The following GAS7 variants were observed in gnomAD, a reference collection of about 807,000 sequenced individuals.
GAS7 encodes growth arrest-specific protein 7.
GAS7 carries 28 observed loss-of-function variants against 71.1 expected under a neutral mutation model. That is an observed-to-expected ratio of 0.39 (90% CI 0.29 to 0.54). The LOEUF is 0.54. Ranked by LOEUF, GAS7 falls within the 20% of genes least tolerant of loss-of-function variation. The pLI is 0.62. For synonymous variants in GAS7, 258 were observed against 245.8 expected (o/e 1.05, Z -0.46); for missense variants, 436 against 627.8 (o/e 0.69, Z 3.27).
intron 1 of GAS7, among the ~76,000 whole-genome samples, chr17:10,132,888 C>T (rs2074007974): frequency 6.6e-6 from 1 of 152,024 alleles, no homozygotes; most frequent in South Asian, 2.1e-4. Context: ...AACTGACTCA[C>T]AGGCTTAGCA....
chr17:10,010,942 G>A (rs2071746171), intron 2 of GAS7, among the ~76,000 whole-genome samples: 1 of 152,202 alleles, frequency 6.6e-6, no homozygotes. Flanking sequence ...GCATGGCTGT[G>A]TTCCAATAAA....
intron 5 of GAS7, among the ~76,000 whole-genome samples, chr17:9,952,936 G>A (rs2069079463): frequency 6.6e-6 from 1 of 152,228 alleles, no homozygotes; most frequent in East Asian, 1.9e-4. Flanking sequence ...AAGCAATGTG[G>A]TGATTCCTCA....
chr17:10,006,515 G>A (rs1009621502), intron 2 of GAS7, among the ~76,000 whole-genome samples: 3 of 151,706 alleles, frequency 2.0e-5, no homozygotes, highest in Admixed American at 2.0e-4. Context: ...ATTTTTAGTA[G>A]AGATGGGGTT....
At chr17:10,081,456 G>A (rs1214434835) in intron 1 of GAS7, among the ~76,000 whole-genome samples, 2 of 152,132 alleles carry the variant, frequency 1.3e-5, no homozygotes, top group Non-Finnish European at 2.9e-5. Context: ...GCCCAGCCAA[G>A]AGTTCTTAAA....
At chr17:10,041,174 AAAG>A (rs1370335460) in intron 1 of GAS7, among the ~76,000 whole-genome samples, 2 of 151,044 alleles carry the variant, frequency 1.3e-5, no homozygotes, top group Non-Finnish European at 2.9e-5. Context: ...AAAAAAAAAA[AAAG>A]AAGAAGGTAA....
At chr17:10,119,792 C>G (rs150034789) in intron 1 of GAS7, among the ~76,000 whole-genome samples, 2 of 152,296 alleles carry the variant, frequency 1.3e-5, no homozygotes, top group East Asian at 3.9e-4. Flanking sequence ...GCACCAAGTT[C>G]AACGAGTGGG....
chr17:10,094,248 C>T (rs2073618233), intron 1 of GAS7, among the ~76,000 whole-genome samples: 1 of 152,224 alleles, frequency 6.6e-6, no homozygotes, highest in Non-Finnish European at 1.5e-5. Context: ...TACCCACTTA[C>T]TTAGCAGAGA....
rs369737879 is a variant in GAS7, at chr17:9,940,020, TC to T, written c.806+105del. On this transcript the variant is annotated intron_variant, in intron 8 of 13. Coordinates refer to ENST00000432992, the MANE Select transcript of GAS7 (RefSeq NM_201433.2). Reference sequence around the variant, plus strand: ...ACCTTGAGCCAGGCCTATGGAGAGCTCCCCATCCAAAGTGGGGCCATGCCAG... The same window carrying T: ...ACCTTGAGCCAGGCCTATGGAGAGCTCCCATCCAAAGTGGGGCCATGCCAG... The T allele has an allele frequency of 2.2e-4, 175 of 788,116 alleles. No individual in the cohort carries two copies. The Middle Eastern group carries it at 2.6e-3, about 12-fold the overall frequency. 48.8% of individuals were successfully genotyped at this position (788,116 alleles called of 1,614,324 possible). A position where few individuals can be genotyped will look rare whatever the true frequency, so the allele number is the denominator to read the frequency against.
At chr17:9,933,937 G>A (rs907572278) in intron 9 of GAS7, among the ~76,000 whole-genome samples, 1 of 148,734 alleles carries the variant, frequency 6.7e-6, no homozygotes, top group African/African-American at 2.4e-5. Context: ...TGCTCTTGGT[G>A]GATATTGATG....
intron 2 of GAS7, among the ~76,000 whole-genome samples, chr17:10,007,726 T>C (rs374334045): frequency 7.2e-5 from 11 of 152,174 alleles, no homozygotes; most frequent in African/African-American, 2.7e-4. Context: ...AATGACACTT[T>C]TATTGCAATA....
At chr17:9,976,154 A>G (rs1298549135) in intron 3 of GAS7, among the ~76,000 whole-genome samples, 2 of 152,228 alleles carry the variant, frequency 1.3e-5, no homozygotes, top group Non-Finnish European at 2.9e-5. Flanking sequence ...TAAGATGTGA[A>G]CTGCGTTCCC....
chr17:10,107,085 G>A (rs2142061024), intron 1 of GAS7, among the ~76,000 whole-genome samples: 1 of 152,312 alleles, frequency 6.6e-6, no homozygotes, highest in East Asian at 1.9e-4. Flanking sequence ...GATTCTCCTT[G>A]GAGCTTCCAG....
chr17:10,019,166 A>C (rs1201443715), intron 2 of GAS7, among the ~76,000 whole-genome samples: 4 of 152,126 alleles, frequency 2.6e-5, no homozygotes, highest in Non-Finnish European at 5.9e-5. Context: ...TATTGGGGTC[A>C]TTGAGGTGTG....
intron 1 of GAS7, among the ~76,000 whole-genome samples, chr17:10,195,115 T>TG (rs1205697445): frequency 6.6e-6 from 1 of 152,168 alleles, no homozygotes; most frequent in Non-Finnish European, 1.5e-5. Flanking sequence ...TCCCTGCCTG[T>TG]GCTGAGGTTT....
At chr17:10,068,677 T>C (rs561953547) in intron 1 of GAS7, among the ~76,000 whole-genome samples, 1 of 151,758 alleles carries the variant, frequency 6.6e-6, no homozygotes, top group African/African-American at 2.4e-5. Flanking sequence ...GATGGAAGGA[T>C]TGCTTGAGCC....
At chr17:10,050,310 A>G (rs1212864654) in intron 1 of GAS7, among the ~76,000 whole-genome samples, 1 of 152,204 alleles carries the variant, frequency 6.6e-6, no homozygotes, top group Non-Finnish European at 1.5e-5. Context: ...TTAAGAAAAC[A>G]GAGACAAAAT....
intron 11 of GAS7, among the ~76,000 whole-genome samples, chr17:9,920,998 C>T (rs2067785724): frequency 6.6e-6 from 1 of 152,084 alleles, no homozygotes; most frequent in African/African-American, 2.4e-5. Context: ...CCTAGCTATG[C>T]CACACACCAG....
At chr17:9,966,991 C>T (rs772522523) in intron 4 of GAS7, among the ~76,000 whole-genome samples, 4 of 152,144 alleles carry the variant, frequency 2.6e-5, no homozygotes, top group Non-Finnish European at 5.9e-5. Context: ...AACGCACGTT[C>T]GCCCTCTCCA....
rs1251452690 is a variant in GAS7 at position 9,974,679 on chromosome 17, C to A, written c.386-4917G>T. 6.6e-6 allele frequency among the ~76,000 whole-genome samples: 1 copy of A among 152,016 alleles called. No homozygotes were observed. Among genetic ancestry groups the A allele is most frequent in the Non-Finnish European group, 1.5e-5 (1 of 68,012 alleles). ...TAGGCAGTTAAGCAACTTGAGAGGGCTTAGGAGGTGTCTAATGAGAGGAGG... is the reference window on the plus strand; with the variant it reads ...TAGGCAGTTAAGCAACTTGAGAGGGATTAGGAGGTGTCTAATGAGAGGAGG... On this transcript the variant is annotated intron_variant, in intron 3 of 13. Transcript: ENST00000432992. The surrounding 1 kb of genome is among the most constrained non-coding windows in gnomAD (Gnocchi z 4.0).
Sources: gnomAD v4.1 joint callset for allele counts (sites outside exome capture counted in the v4.1 genomes callset) on GRCh38, gnomAD v4.1.1 for gene constraint, Gnocchi (gnomAD v3.1) non-coding constraint, MANE v1.5 for transcripts, NCBI Gene and HGNC (gene_info 2026-07-23, HGNC 2026-07-21) for gene names.